Variants in EGFR observed in about 807,000 individuals in gnomAD.
The protein encoded by EGFR is epidermal growth factor receptor.
EGFR carries 58 observed loss-of-function variants against 143.0 expected under a neutral mutation model. The observed-to-expected ratio is 0.41, with a 90% confidence interval of 0.33 to 0.50. The LOEUF (loss-of-function observed/expected upper bound fraction) is 0.50. Among genes scored for constraint, EGFR ranks in the 20% least tolerant of loss-of-function variants. The pLI is 0.39. For missense variants in EGFR, 1,307 were observed against 1,579.0 expected, an observed-to-expected ratio of 0.83 and a Z score of 2.92; for synonymous variants, 613 against 594.4, an observed-to-expected ratio of 1.03 and a Z score of -0.45.
intron 1 of EGFR, among the ~76,000 whole-genome samples, chr7:55,068,751 C>T (rs1441484374): frequency 2.0e-5 from 3 of 152,176 alleles, no homozygotes; most frequent in African/African-American, 7.2e-5. Flanking sequence ...TAAGAACACA[C>T]TTGGAATAAC....
rs765943494 is a variant in EGFR at position 55,152,496 on chromosome 7, T to C, written c.629-50T>C. On this transcript the variant is annotated intron_variant, in intron 5 of 27. Transcript: ENST00000275493. Reference sequence around the variant, plus strand: ...AGTGCTCTGCGACATCCCTGGGAAATGATCCTACCCTCACTCTTCAGCTCA... The same window carrying C: ...AGTGCTCTGCGACATCCCTGGGAAACGATCCTACCCTCACTCTTCAGCTCA... The C allele has an allele frequency of 1.9e-6, 3 of 1,539,264 alleles. No homozygotes were observed. In the African/African-American group the frequency reaches 4.1e-5, roughly 21 times the overall value.
At chr7:55,197,939 G>A (rs1787686525) in intron 22 of EGFR, among the ~76,000 whole-genome samples, 1 of 152,192 alleles carries the variant, frequency 6.6e-6, no homozygotes, top group African/African-American at 2.4e-5. Flanking sequence ...ATGTTCATCA[G>A]AGATATTGGC....
At chr7:55,133,693 C>G (rs549248698) in intron 1 of EGFR, among the ~76,000 whole-genome samples, 1 of 152,158 alleles carries the variant, frequency 6.6e-6, no homozygotes, top group Admixed American at 6.5e-5. Flanking sequence ...GGCTCCCCAG[C>G]GAGCCAGGAA....
intron 23 of EGFR, among the ~76,000 whole-genome samples, chr7:55,199,608 T>C (rs995657067): frequency 5.9e-5 from 9 of 152,230 alleles, no homozygotes; most frequent in Admixed American, 5.9e-4. Flanking sequence ...TGGCCTAAAA[T>C]AGCTTGATAT....
At chr7:55,120,069 T>C (rs1793105782) in intron 1 of EGFR, among the ~76,000 whole-genome samples, 1 of 152,256 alleles carries the variant, frequency 6.6e-6, no homozygotes, top group Admixed American at 6.5e-5. Flanking sequence ...TCCTGTTTTT[T>C]GCAAACCTGG....
chr7:55,200,909 T>G (rs1005014270), intron 24 of EGFR: 1 of 545,352 alleles, frequency 1.8e-6, no homozygotes, highest in Admixed American at 3.1e-5. Context: ...GCACACTCGA[T>G]GAATGCTGCA....
intron 4 of EGFR, among the ~76,000 whole-genome samples, chr7:55,146,964 G>A (rs1190064756): frequency 1.3e-5 from 2 of 152,128 alleles, no homozygotes; most frequent in Admixed American, 6.5e-5. Context: ...GCAGGCCACC[G>A]GAGGCAGATC....
chr7:55,195,521 T>G lies in EGFR; in HGVS notation c.2701+2680T>G, dbSNP rs147484774. 3.2e-3 allele frequency among the ~76,000 whole-genome samples: 490 copies of G among 152,376 alleles called. 2 individuals carry two copies. The highest frequency in any genetic ancestry group is 9.9e-3 in the African/African-American group (413 of 41,592). ...TTTAGATTTTAGTACCTGACATTTT[T>G]TTAACTTTTATTTTAGGTTCAGGGG... On this transcript the variant is annotated intron_variant, in intron 22 of 27. Coordinates refer to ENST00000275493, the MANE Select transcript of EGFR (RefSeq NM_005228.5).
intron 1 of EGFR, among the ~76,000 whole-genome samples, chr7:55,087,921 C>A (rs1211034823): frequency 6.6e-6 from 1 of 152,146 alleles, no homozygotes; most frequent in Non-Finnish European, 1.5e-5. Context: ...TCACTTTGGG[C>A]CTTCTTAATT....
intron 22 of EGFR, among the ~76,000 whole-genome samples, chr7:55,196,060 T>C (rs1787598923): frequency 6.6e-6 from 1 of 152,028 alleles, no homozygotes; most frequent in Non-Finnish European, 1.5e-5. Context: ...GGTAGTTCTG[T>C]TTTTAGCTAT....
chr7:55,152,702 G>A (rs1785221671), intron 6 of EGFR, 38 bp downstream of exon 6: 1 of 1,576,468 alleles, frequency 6.3e-7, no homozygotes, highest in South Asian at 1.1e-5. Context: ...GGAGCAGGCT[G>A]GGGCTGCACC....
chr7:55,157,747 A>G lies in EGFR; in HGVS notation c.1292A>G (p.Lys431Arg), dbSNP rs1785502513. 2 of 1,614,220 alleles carry G rather than the reference A, an allele frequency of 1.2e-6. No homozygotes were observed. The highest frequency in any genetic ancestry group is 1.7e-6 in the Non-Finnish European group (2 of 1,180,026). Residue 431 changes from lysine to arginine, a missense_variant, in exon 11 of 28, where the codon AAG becomes AGG. By Grantham distance (26) the Lys-to-Arg change is conservative (BLOSUM62 2). Around this residue, in one of 7 missense-constraint regions of EGFR, gnomAD observed 250 missense variants for 295.1 expected, o/e 0.85. Transcript: ENST00000275493. Reference sequence around the variant, plus strand: ...CTAGAAATCATACGCGGCAGGACCAAGCAACAGTAAGTTGACCACAGCCAA... The same window carrying G: ...CTAGAAATCATACGCGGCAGGACCAGGCAACAGTAAGTTGACCACAGCCAA... ...ENLEIIRGRT[K>R]QHGQFSLAVV...
intron 22 of EGFR, among the ~76,000 whole-genome samples, chr7:55,194,113 C>A (rs1787515413): frequency 6.6e-6 from 1 of 152,190 alleles, no homozygotes; most frequent in Admixed American, 6.5e-5. Flanking sequence ...ATTTTGTCCT[C>A]AAGCAGCCCG....
chr7:55,174,953 C>G (rs1786534540), intron 19 of EGFR, 133 bp downstream of exon 19: 2 of 744,410 alleles, frequency 2.7e-6, no homozygotes, highest in Non-Finnish European at 2.4e-6. Context: ...TATGTCTTTC[C>G]CTTTCTAGCT....
At chr7:55,055,723 CCA>C (rs34074299) in intron 1 of EGFR, among the ~76,000 whole-genome samples, 23 of 148,336 alleles carry the variant, frequency 1.6e-4, no homozygotes, top group East Asian at 1.4e-3. Context: ...CACACACACA[CCA>C]CACACACACA....
intron 1 of EGFR, among the ~76,000 whole-genome samples, chr7:55,059,065 C>T (rs1298630138): frequency 1.3e-5 from 2 of 152,156 alleles, no homozygotes; most frequent in Non-Finnish European, 2.9e-5. Context: ...ATGTGGGCCT[C>T]CTGTGAGCAC....
At position 55,019,213 on chromosome 7, in the gene EGFR, C is replaced by A; in HGVS notation, c.-65C>A. The A allele has an allele frequency of 1.5e-6, 2 of 1,302,850 alleles. No individual in the cohort carries two copies. Among genetic ancestry groups the A allele is most frequent in the Non-Finnish European group, 2.1e-6 (2 of 972,318 alleles). 80.7% of individuals were successfully genotyped at this position (1,302,850 alleles called of 1,614,324 possible). On this transcript the variant is annotated 5_prime_UTR_variant, in exon 1 of 28. Coordinates refer to ENST00000275493, the MANE Select transcript of EGFR (RefSeq NM_005228.5). ...CGCCGCCAACGCCACAACCACCGCG[C>A]ACGGCCCCCTGACTCCGTCCAGTAT...
chr7:55,206,531 G>A lies in EGFR; in HGVS notation c.*914G>A, dbSNP rs953970357. 2.1e-5 allele frequency: 5 copies of A among 233,130 alleles called. No homozygotes were observed. The highest frequency in any genetic ancestry group is 5.6e-5 in the Admixed American group (1 of 17,780). 14.4% of individuals were successfully genotyped at this position (233,130 alleles called of 1,614,324 possible). On this transcript the variant is annotated 3_prime_UTR_variant, in exon 28 of 28. Coordinates refer to ENST00000275493, the MANE Select transcript of EGFR (RefSeq NM_005228.5). ...ATGTGGAATACCTAAGGATAGCACC[G>A]CTTTTGTTCTCGCAAAAACGTATCT...
chr7:55,060,650 G>A (rs907143644), intron 1 of EGFR, among the ~76,000 whole-genome samples: 1 of 152,100 alleles, frequency 6.6e-6, no homozygotes, highest in African/African-American at 2.4e-5. Flanking sequence ...TTTTCATCTT[G>A]TGTTTTGGGA....
Sources: gnomAD v4.1 joint callset for allele counts (sites outside exome capture counted in the v4.1 genomes callset) on GRCh38, gnomAD v4.1.1 for gene constraint, gnomAD v4.1.1 regional missense constraint, MANE v1.5 for transcripts, NCBI Gene and HGNC (gene_info 2026-07-23, HGNC 2026-07-21) for gene names.